The following AKR1C8 variants were observed in gnomAD, a reference collection of about 807,000 sequenced individuals.
AKR1C8 encodes the protein aldo-keto reductase family 1 member C-like protein 1.
chr10:5,160,984 C>A, the AKR1C8 span: 1 of 434,290 alleles, frequency 2.3e-6, no homozygotes, highest in South Asian at 1.7e-5. Flanking sequence ...TCAAGAGTTT[C>A]AGGAGGTGGT....
At chr10:5,143,759 T>A in the AKR1C8 span, among the ~76,000 whole-genome samples, 1 of 148,826 alleles carries the variant, frequency 6.7e-6, no homozygotes, top group Non-Finnish European at 1.5e-5. Context: ...CTATATATAT[T>A]TTAGATTTCT....
At chr10:5,159,836 G>T in the AKR1C8 span, 1 of 481,514 alleles carries the variant, frequency 2.1e-6, no homozygotes. Flanking sequence ...CAGGAAGTGT[G>T]TGAACAGCAA....
the AKR1C8 span, chr10:5,123,646 T>A: frequency 2.8e-6 from 4 of 1,428,054 alleles, no homozygotes; most frequent in Non-Finnish European, 9.7e-7. Context: ...GGAAAGAGAG[T>A]ACCATATAAT....
the AKR1C8 span, among the ~76,000 whole-genome samples, chr10:5,147,742 G>A: frequency 2.6e-5 from 4 of 152,186 alleles, no homozygotes; most frequent in Non-Finnish European, 5.9e-5. Flanking sequence ...CAGCCCACAT[G>A]GCTACTCTTA....
At chr10:5,145,702 G>A in the AKR1C8 span, among the ~76,000 whole-genome samples, 21 of 152,108 alleles carry the variant, frequency 1.4e-4, no homozygotes, top group African/African-American at 4.1e-4. Flanking sequence ...GAAACAACAG[G>A]TGCTGGAGAG....
the AKR1C8 span, among the ~76,000 whole-genome samples, chr10:5,125,964 G>A: frequency 6.6e-6 from 1 of 152,218 alleles, no homozygotes; most frequent in Non-Finnish European, 1.5e-5. Flanking sequence ...AATGGAAGGA[G>A]CGTCACATCA....
At chr10:5,178,961 G>A in the AKR1C8 span, among the ~76,000 whole-genome samples, 1 of 152,232 alleles carries the variant, frequency 6.6e-6, no homozygotes, top group Admixed American at 6.5e-5. Context: ...TTTAATTGGA[G>A]CATTTAGTCC....
chr10:5,159,856 G>T, the AKR1C8 span: 3 of 494,584 alleles, frequency 6.1e-6, no homozygotes, highest in East Asian at 1.8e-4. Flanking sequence ...AAAAGTCAGA[G>T]AAGGTCCCGG....
the AKR1C8 span, among the ~76,000 whole-genome samples, chr10:5,184,545 C>T: frequency 6.6e-6 from 1 of 152,136 alleles, no homozygotes; most frequent in East Asian, 1.9e-4. Context: ...CTTTTGATTC[C>T]TCCTGGGTCC....
the AKR1C8 span, among the ~76,000 whole-genome samples, chr10:5,135,863 T>C: frequency 6.6e-6 from 1 of 152,154 alleles, no homozygotes; most frequent in Admixed American, 6.6e-5. Flanking sequence ...CATCAGCAAA[T>C]ATTTTGGGTT....
chr10:5,170,335 T>C, the AKR1C8 span, among the ~76,000 whole-genome samples: 1 of 152,128 alleles, frequency 6.6e-6, no homozygotes, highest in Non-Finnish European at 1.5e-5. Context: ...TGAAACATAA[T>C]TTTCTCTCTT....
the AKR1C8 span, among the ~76,000 whole-genome samples, chr10:5,144,087 C>T: frequency 2.0e-5 from 3 of 151,994 alleles, no homozygotes; most frequent in East Asian, 3.9e-4. Flanking sequence ...CAGCTTTCTA[C>T]ATATGGCTAG....
the AKR1C8 span, among the ~76,000 whole-genome samples, chr10:5,147,879 G>C: frequency 6.6e-6 from 1 of 152,146 alleles, no homozygotes. Flanking sequence ...GAAACACCAT[G>C]GTGACTTCTG....
the AKR1C8 span, among the ~76,000 whole-genome samples, chr10:5,180,010 CT>C: frequency 6.6e-6 from 1 of 152,204 alleles, no homozygotes; most frequent in Admixed American, 6.5e-5. Context: ...TGTTCCGTTG[CT>C]GGTGAGGAAC....
chr10:5,172,012 A>G, the AKR1C8 span, among the ~76,000 whole-genome samples: 9 of 152,098 alleles, frequency 5.9e-5, no homozygotes, highest in African/African-American at 1.9e-4. Flanking sequence ...GAAAACCTTC[A>G]TAAGTTTGGG....
chr10:5,182,028 T>C, the AKR1C8 span, among the ~76,000 whole-genome samples: 3 of 152,188 alleles, frequency 2.0e-5, no homozygotes, highest in Non-Finnish European at 2.9e-5. Context: ...AACTTTTCAC[T>C]AAAAAATTAC....
chr10:5,134,482 T>C, the AKR1C8 span, among the ~76,000 whole-genome samples: 1 of 152,198 alleles, frequency 6.6e-6, no homozygotes, highest in Non-Finnish European at 1.5e-5. Context: ...CAGGGGACCA[T>C]CCATACCATT....
At chr10:5,138,914 C>T in the AKR1C8 span, among the ~76,000 whole-genome samples, 3 of 152,152 alleles carry the variant, frequency 2.0e-5, no homozygotes, top group Admixed American at 6.5e-5. Flanking sequence ...AAAACCCCAA[C>T]ATCTCAGCCC....
the AKR1C8 span, among the ~76,000 whole-genome samples, chr10:5,151,719 G>A: frequency 6.6e-6 from 1 of 152,002 alleles, no homozygotes; most frequent in Non-Finnish European, 1.5e-5. Context: ...ACCATGCCTG[G>A]CTAATTTTTG....
Sources: gnomAD v4.1 joint callset for allele counts (sites outside exome capture counted in the v4.1 genomes callset) on GRCh38, gnomAD v4.1.1 for gene constraint, MANE v1.5 for transcripts, NCBI Gene and HGNC (gene_info 2026-07-23, HGNC 2026-07-21) for gene names.